WBP1L: variants seen among roughly 807,000 people sequenced by gnomAD.
The protein encoded by WBP1L is WW domain binding protein 1-like.
WBP1L carries 17 observed loss-of-function variants against 33.7 expected under a neutral mutation model. That is an observed-to-expected ratio of 0.50 (90% CI 0.34 to 0.76). The LOEUF (loss-of-function observed/expected upper bound fraction) is 0.76, where lower values mean the gene tolerates loss of function less well. Among genes scored for constraint, WBP1L ranks in the 30% least tolerant of loss-of-function variants. The pLI is 0.01. For synonymous variants in WBP1L, 173 were observed against 190.8 expected, an observed-to-expected ratio of 0.91 and a Z score of 0.77; for missense variants, 389 against 469.4, an observed-to-expected ratio of 0.83 and a Z score of 1.58.
intron 2 of WBP1L, among the ~76,000 whole-genome samples, chr10:102,800,486 AAGTC>A (rs2134060677): frequency 6.6e-6 from 1 of 152,296 alleles, no homozygotes; most frequent in South Asian, 2.1e-4. Context: ...GGCTTAAAGA[AAGTC>A]AGAGAAAGAG....
chr10:102,812,536 CA>C, intron 3 of WBP1L, 58 bp from the exon 4 acceptor site: 1 of 1,492,784 alleles, frequency 6.7e-7, no homozygotes, highest in Non-Finnish European at 8.9e-7. Flanking sequence ...GGGAGCTTTG[CA>C]GTCTGCCTAG....
chr10:102,769,002 A>G (rs1289440251), intron 1 of WBP1L, among the ~76,000 whole-genome samples: 4 of 151,680 alleles, frequency 2.6e-5, no homozygotes, highest in Non-Finnish European at 2.9e-5. Context: ...TTGTTTTTCA[A>G]GAGAAAAGGT....
intron 1 of WBP1L, among the ~76,000 whole-genome samples, chr10:102,789,914 AT>A (rs1249948209): frequency 6.6e-6 from 1 of 151,268 alleles, no homozygotes; most frequent in African/African-American, 2.4e-5. Flanking sequence ...AGCTAATTGT[AT>A]TTTTAGTAGA....
At chr10:102,762,751 A>G (rs948316843) in intron 1 of WBP1L, among the ~76,000 whole-genome samples, 4 of 152,236 alleles carry the variant, frequency 2.6e-5, no homozygotes, top group African/African-American at 9.6e-5. Context: ...GGAAAAATGA[A>G]GAGACCCTGC....
intron 1 of WBP1L, among the ~76,000 whole-genome samples, chr10:102,747,965 CTT>C (rs1292456114): frequency 6.6e-6 from 1 of 152,034 alleles, no homozygotes; most frequent in East Asian, 1.9e-4. Flanking sequence ...AGGCTTAAAA[CTT>C]TGAGCTGGGC....
chr10:102,747,334 T>G (rs1156312996), intron 1 of WBP1L, among the ~76,000 whole-genome samples: 1 of 128,034 alleles, frequency 7.8e-6, no homozygotes, highest in Non-Finnish European at 1.5e-5. Flanking sequence ...CACTCTAGCC[T>G]GGTGACAGAG....
intron 1 of WBP1L, among the ~76,000 whole-genome samples, chr10:102,766,491 A>G (rs1336779063): frequency 2.7e-5 from 4 of 150,638 alleles, no homozygotes; most frequent in African/African-American, 9.8e-5. Flanking sequence ...GCATTGTAGT[A>G]AACGCCTGTA....
At chr10:102,787,895 T>C (rs566513468) in intron 1 of WBP1L, among the ~76,000 whole-genome samples, 2 of 151,670 alleles carry the variant, frequency 1.3e-5, no homozygotes, top group African/African-American at 2.4e-5. Flanking sequence ...CTGGCCAATA[T>C]GGTGAAACCC....
chr10:102,783,619 A>G (rs1285915491), intron 1 of WBP1L, among the ~76,000 whole-genome samples: 2 of 152,216 alleles, frequency 1.3e-5, no homozygotes, highest in Non-Finnish European at 2.9e-5. Context: ...CTAAACTGGG[A>G]CAGTTTTGCC....
At chr10:102,789,598 C>G (rs979348854) in intron 1 of WBP1L, among the ~76,000 whole-genome samples, 1 of 152,110 alleles carries the variant, frequency 6.6e-6, no homozygotes, top group Admixed American at 6.6e-5. Context: ...CCTCATGGAG[C>G]TTATTACTGC....
At chr10:102,808,723 G>A (rs10748832) in intron 2 of WBP1L, among the ~76,000 whole-genome samples, 78,837 of 152,062 alleles carry the variant, frequency 0.52, 21,467 homozygotes, top group Middle Eastern at 0.63. Flanking sequence ...TAACTTTAGT[G>A]ATTCTTGTAT....
intron 1 of WBP1L, among the ~76,000 whole-genome samples, chr10:102,784,028 G>C (rs1038299777): frequency 4.6e-5 from 7 of 152,136 alleles, no homozygotes; most frequent in Non-Finnish European, 7.3e-5. Flanking sequence ...TAGGTACTCT[G>C]TCTTATTAAT....
At chr10:102,760,764 C>G (rs1843028872) in intron 1 of WBP1L, among the ~76,000 whole-genome samples, 1 of 152,150 alleles carries the variant, frequency 6.6e-6, no homozygotes, top group African/African-American at 2.4e-5. Context: ...AGAGAAGGCT[C>G]CCCGCTCGTT....
In WBP1L at chr10:102,815,139, A is replaced by G. The variant is rs1488564713; in HGVS notation, c.*1808A>G. ...GAGCACAGACAGGCCTCTCAAGGTC[A>G]TTGATCTTACGCATTTACTGTTTAC... On this transcript the variant is annotated 3_prime_UTR_variant, in exon 4 of 4. Transcript: ENST00000448841. 6.6e-6 allele frequency: 1 copy of G among 152,578 alleles called. No individual in the cohort carries two copies. Among genetic ancestry groups the G allele is most frequent in the Non-Finnish European group, 1.5e-5 (1 of 68,028 alleles). The allele number at this position is 152,578 out of a possible 1,614,324, so 9.5% of individuals were successfully genotyped here. A position where few individuals can be genotyped will look rare whatever the true frequency, so the allele number is the denominator to read the frequency against.
chr10:102,784,500 A>G (rs1383326693), intron 1 of WBP1L, among the ~76,000 whole-genome samples: 1 of 138,360 alleles, frequency 7.2e-6, no homozygotes, highest in African/African-American at 2.8e-5. Context: ...ATCTTGGCTC[A>G]CTGCAAGCTC....
intron 2 of WBP1L, among the ~76,000 whole-genome samples, chr10:102,799,769 C>T (rs527412838): frequency 6.6e-6 from 1 of 152,232 alleles, no homozygotes; most frequent in African/African-American, 2.4e-5. Flanking sequence ...CCATCAACCC[C>T]TGTGTCAGTG....
rs1249703194 is a variant in WBP1L, at chr10:102,768,690, G to GT, written c.90+24562dup. 5.4e-3 allele frequency among the ~76,000 whole-genome samples: 64 copies of GT among 11,812 alleles called. 6 individuals are homozygous for GT. Among genetic ancestry groups the GT allele is most frequent in the Middle Eastern group, 0.1 (1 of 10 alleles). 7.7% of individuals were successfully genotyped at this position (11,812 alleles called of 152,430 possible). A position where few individuals can be genotyped will look rare whatever the true frequency, so the allele number is the denominator to read the frequency against. Reference sequence around the variant, plus strand: ...AGGCGTGAGCCACCGCGCCCGGCCAGTTTTTTTTTTTTTTTGAGACAGAGT... The same window carrying GT: ...AGGCGTGAGCCACCGCGCCCGGCCAGTTTTTTTTTTTTTTTTGAGACAGAGT... On this transcript the variant is annotated intron_variant, in intron 1 of 3. Transcript: ENST00000448841.
At chr10:102,808,143 G>A (rs1231990002) in intron 2 of WBP1L, among the ~76,000 whole-genome samples, 1 of 151,890 alleles carries the variant, frequency 6.6e-6, no homozygotes, top group Admixed American at 6.6e-5. Flanking sequence ...TCGCACCACT[G>A]TACTCCATCC....
Position 102,810,899 on chromosome 10 carries a change from C to T in WBP1L, c.355+845C>T, listed in dbSNP as rs572772665. On this transcript the variant is annotated intron_variant, in intron 3 of 3. Coordinates refer to ENST00000448841, the MANE Select transcript of WBP1L (RefSeq NM_001083913.2). Reference sequence around the variant, plus strand: ...TTCCCTCCCCTCTTTTCCTTTCCCTCCCCTCCCCTCCCCTTCCTCTTTCTT... The same window carrying T: ...TTCCCTCCCCTCTTTTCCTTTCCCTTCCCTCCCCTCCCCTTCCTCTTTCTT... Among the ~76,000 whole-genome samples the T allele has an allele frequency of 1.2e-3, 168 of 135,570 alleles. 1 individual carries two copies. The highest frequency in any genetic ancestry group is 4.0e-3 in the African/African-American group (154 of 38,286). The allele number at this position is 135,570 out of a possible 152,430, so 88.9% of individuals were successfully genotyped here.
Sources: allele counts gnomAD v4.1 joint callset (sites outside exome capture counted in the v4.1 genomes callset), GRCh38; gene constraint gnomAD v4.1.1; transcripts MANE v1.5; gene names NCBI Gene and HGNC (gene_info 2026-07-23, HGNC 2026-07-21).